Variants in GBP7 observed in about 807,000 individuals in gnomAD.
GBP7 encodes the protein guanylate binding protein 7, also known as guanylate-binding protein 7.
Under a neutral mutation model 61.3 loss-of-function variants are expected in GBP7, and 43 were observed. The ratio of observed to expected loss-of-function variants is 0.70; its 90% CI spans 0.55 to 0.91. The LOEUF (loss-of-function observed/expected upper bound fraction) is 0.91, where lower values mean the gene tolerates loss of function less well. Among genes scored for constraint, GBP7 ranks in the 40% least tolerant of loss-of-function variants. GBP7 has a pLI of 0.00. For missense variants in GBP7, 717 were observed against 740.5 expected (o/e 0.97, Z 0.37); for synonymous variants, 267 against 271.0 (o/e 0.99, Z 0.14).
chr1:89,133,323 T>C lies in GBP7; in HGVS notation c.1597A>G (p.Lys533Glu), dbSNP rs1422870572. 6.2e-7 allele frequency: 1 copy of C among 1,614,030 alleles called. No individual in the cohort carries two copies. The highest frequency in any genetic ancestry group is 8.5e-7 in the Non-Finnish European group (1 of 1,179,972). ...TAGTTTTCCCTTTCCCTCTCCATCT[T>C]CTTCTTGAGTTGAGCTATGTTTTCC... ...FQENIAQLKK[K>E]MERERENYMR... Residue 533 changes from lysine to glutamate, a missense_variant, in exon 10 of 11, where the codon AAG (lysine) becomes GAG (glutamate). By Grantham distance (56) the Lys-to-Glu change is moderately conservative (BLOSUM62 1). Coordinates refer to ENST00000294671, the MANE Select transcript of GBP7 (RefSeq NM_207398.3).
Position 89,159,500 on chromosome 1 carries a change from TAAAC to T in GBP7, c.318+5227_318+5230del, listed in dbSNP as rs764363383. Among the ~76,000 whole-genome samples the T allele has an allele frequency of 1.6e-4, 25 of 152,082 alleles. No individual in the cohort carries two copies. In the East Asian group the frequency reaches 2.1e-3, roughly 13 times the overall value. ...TAATGTCCAGTATATACAAAGAACTTAAACAAAGTTACAAGAAAAAAATCAAACA... is the reference window on the plus strand; with the variant it reads ...TAATGTCCAGTATATACAAAGAACTTAAAGTTACAAGAAAAAAATCAAACA... On this transcript the variant is annotated intron_variant, in intron 3 of 10. Coordinates refer to ENST00000294671, the MANE Select transcript of GBP7 (RefSeq NM_207398.3).
intron 8 of GBP7, among the ~76,000 whole-genome samples, chr1:89,144,489 C>T (rs1427447148): frequency 6.6e-6 from 1 of 152,150 alleles, no homozygotes; most frequent in African/African-American, 2.4e-5. Flanking sequence ...TTACAATTTG[C>T]AATCCCACTA....
intron 9 of GBP7, among the ~76,000 whole-genome samples, chr1:89,136,922 C>CA (rs1424435380): frequency 6.6e-6 from 1 of 151,374 alleles, no homozygotes; most frequent in African/African-American, 2.4e-5. Flanking sequence ...TAAAAAAGAA[C>CA]AAAAAAAGAG....
At chr1:89,152,924 A>T in intron 3 of GBP7, 147 bp from the exon 4 acceptor site, 1 of 514,306 alleles carries the variant, frequency 1.9e-6, no homozygotes, top group East Asian at 3.0e-5. Context: ...TGTAAGCTTT[A>T]TATGCTTGCC....
chr1:89,168,052 A>G (rs1647491143), intron 2 of GBP7, among the ~76,000 whole-genome samples: 1 of 152,232 alleles, frequency 6.6e-6, no homozygotes, highest in South Asian at 2.1e-4. Flanking sequence ...CATTATGTGG[A>G]ACATTCCAGA....
chr1:89,161,367 T>A (rs965860611), intron 3 of GBP7, among the ~76,000 whole-genome samples: 2 of 152,208 alleles, frequency 1.3e-5, no homozygotes, highest in South Asian at 2.1e-4. Context: ...CCACAATGGT[T>A]TAACTAATTT....
intron 6 of GBP7, among the ~76,000 whole-genome samples, 161 bp from the exon 7 acceptor site, chr1:89,149,733 A>G (rs1682150484): frequency 6.6e-6 from 1 of 152,042 alleles, no homozygotes; most frequent in Non-Finnish European, 1.5e-5. Flanking sequence ...ACTACTTTTT[A>G]TGGAGTCACT....
chr1:89,146,410 G>A (rs768858387), intron 8 of GBP7, among the ~76,000 whole-genome samples: 7 of 152,038 alleles, frequency 4.6e-5, no homozygotes, highest in Non-Finnish European at 1.0e-4. Context: ...CAGGAAACAA[G>A]TGCTAAAAGA....
chr1:89,165,507 A>AG (rs56335584), intron 2 of GBP7, among the ~76,000 whole-genome samples: 95,832 of 147,078 alleles, frequency 0.65, 31,316 homozygotes, highest in East Asian at 0.79. Flanking sequence ...TCTCAAAAAA[A>AG]AAGAAAAAAA....
intron 8 of GBP7, among the ~76,000 whole-genome samples, chr1:89,145,592 G>A (rs1034503078): frequency 6.6e-6 from 1 of 152,066 alleles, no homozygotes. Flanking sequence ...ACAACCAGAA[G>A]TCCACCAATA....
chr1:89,134,890 C>T (rs1681763260), intron 9 of GBP7, among the ~76,000 whole-genome samples: 2 of 152,000 alleles, frequency 1.3e-5, no homozygotes, highest in African/African-American at 4.8e-5. Context: ...ATCTGGATGG[C>T]AATGAAGATT....
At chr1:89,175,583 T>C (rs1382476697) in intron 1 of GBP7, among the ~76,000 whole-genome samples, 1 of 152,176 alleles carries the variant, frequency 6.6e-6, no homozygotes, top group Admixed American at 6.5e-5. Context: ...CTACCTTCAT[T>C]TACCTAGAGC....
chr1:89,134,770 G>A (rs1272793727), intron 9 of GBP7, among the ~76,000 whole-genome samples: 1 of 152,132 alleles, frequency 6.6e-6, no homozygotes, highest in East Asian at 1.9e-4. Context: ...ACAGAACTCT[G>A]GCAACTCAAA....
chr1:89,162,045 T>C (rs972234240), intron 3 of GBP7, among the ~76,000 whole-genome samples: 1 of 150,802 alleles, frequency 6.6e-6, no homozygotes, highest in Non-Finnish European at 1.5e-5. Context: ...CCCATTGCTT[T>C]TTTTTTTTTT....
chr1:89,134,813 C>T (rs1681761263), intron 9 of GBP7, among the ~76,000 whole-genome samples: 1 of 152,114 alleles, frequency 6.6e-6, no homozygotes, highest in Non-Finnish European at 1.5e-5. Flanking sequence ...CAAATGAGTC[C>T]ACTAGCTCCT....
In GBP7 at chr1:89,171,774, T is replaced by C. The variant is rs144350186; in HGVS notation, c.162A>G (p.Leu54=). ...TGTTCTTCCCAGCCAGCTTGTTCAT[T>C]AGGTAGGATTTGCCTGTGCGGTAGA... ...VGLYRTGKSY[L]MNKLAGKNKG... is the part of the protein sequence containing the mutation. Residue 54 remains leucine, a synonymous_variant, in exon 2 of 11, where the codon CTA becomes CTG. Coordinates refer to ENST00000294671, the MANE Select transcript of GBP7 (RefSeq NM_207398.3). 253 of 1,612,954 alleles carry C rather than the reference T, an allele frequency of 1.6e-4. 17 individuals carry two copies. Among genetic ancestry groups the C allele is most frequent in the East Asian group, 6.0e-4 (27 of 44,850 alleles).
intron 9 of GBP7, among the ~76,000 whole-genome samples, chr1:89,141,099 G>T (rs1681934327): frequency 6.6e-6 from 1 of 151,672 alleles, no homozygotes; most frequent in Non-Finnish European, 1.5e-5. Context: ...TGGGTACTAT[G>T]CTCATTATCT....
rs985956890 is a variant in GBP7 at position 89,152,340 on chromosome 1, G to T, written c.553C>A (p.Leu185Met). ...DFIWTVRDFT[L>M]ELKLDGHPIT... is the part of the protein sequence containing the mutation. ...GGGTGTCCATCTAACTTCAGCTCCA[G>T]GGTAAAATCTCGAACAGTCCAAATA... Residue 185 changes from leucine to methionine, a missense_variant, in exon 5 of 11, where the codon CTG becomes ATG. By Grantham distance (15) the Leu-to-Met change is conservative. This residue lies in a region of GBP7 where 387 missense variants were observed against 385.2 expected (regional missense o/e 1.00). Transcript: ENST00000294671. The T allele has an allele frequency of 4.3e-6, 7 of 1,613,822 alleles. No homozygotes were observed. The highest frequency in any genetic ancestry group is 8.5e-7 in the Non-Finnish European group (1 of 1,180,004).
chr1:89,174,248 G>T (rs1180295466), intron 1 of GBP7, among the ~76,000 whole-genome samples: 1 of 152,100 alleles, frequency 6.6e-6, no homozygotes, highest in East Asian at 1.9e-4. Context: ...ATTGTTACAG[G>T]AGTAATTTCA....
Sources: gnomAD v4.1 joint callset for allele counts (sites outside exome capture counted in the v4.1 genomes callset) on GRCh38, gnomAD v4.1.1 for gene constraint, gnomAD v4.1.1 regional missense constraint, MANE v1.5 for transcripts, NCBI Gene and HGNC (gene_info 2026-07-23, HGNC 2026-07-21) for gene names.